The following WNT6 variants were observed in gnomAD, a reference collection of about 807,000 sequenced individuals.
WNT6 encodes protein Wnt-6.
In WNT6, 27 loss-of-function variants were observed where a neutral mutation model predicts 33.1. That is an observed-to-expected ratio of 0.82 (90% CI 0.60 to 1.12). WNT6 has a LOEUF of 1.12. Ranked by LOEUF, WNT6 falls within the 50% of genes most tolerant of loss-of-function variation. WNT6 has a pLI of 0.00. For synonymous variants in WNT6, 249 were observed against 242.8 expected (o/e 1.03, Z -0.24); for missense variants, 494 against 535.3 (o/e 0.92, Z 0.76).
chr2:218,871,565 G>A lies in WNT6; in HGVS notation c.382G>A (p.Glu128Lys), dbSNP rs752283594. Residue 128 changes from glutamate to lysine, a missense_variant, in exon 3 of 4, where the codon GAG becomes AAG. Transcript: ENST00000233948. This position sits in a 1 kb window ranked among gnomAD's most constrained non-coding sequence, Gnocchi z 6.4. ...HAVTQACSMG[E>K]LLQCGCQAPR... ...CGTCACGCAGGCCTGTTCTATGGGC[G>A]AGCTGCTGCAGTGCGGCTGCCAGGC... 341 of 1,574,708 alleles carry A rather than the reference G, an allele frequency of 2.2e-4. No individual in the cohort carries two copies. Among genetic ancestry groups the A allele is most frequent in the Non-Finnish European group, 2.9e-4 (335 of 1,169,474 alleles).
At chr2:218,865,440 C>A (rs1382558816) in intron 1 of WNT6, among the ~76,000 whole-genome samples, 1 of 152,228 alleles carries the variant, frequency 6.6e-6, no homozygotes. Context: ...TCCTCCAGTT[C>A]CTGAGCCCTC....
intron 1 of WNT6, among the ~76,000 whole-genome samples, chr2:218,865,137 G>A (rs953145745): frequency 1.3e-5 from 2 of 152,240 alleles, no homozygotes; most frequent in Non-Finnish European, 2.9e-5. Context: ...GGTGGGGAGA[G>A]GTCAGCAGGA....
intron 1 of WNT6, among the ~76,000 whole-genome samples, chr2:218,866,085 GCCCA>G (rs1944352409): frequency 1.3e-5 from 2 of 151,222 alleles, no homozygotes; most frequent in Non-Finnish European, 1.5e-5. Context: ...CACAGGCCCG[GCCCA>G]GCCGCCTCAG....
chr2:218,864,762 T>G lies in WNT6; in HGVS notation c.80+4645T>G, dbSNP rs554340550. Reference sequence around the variant, plus strand: ...GGCAGGGAAACGACCCTGGCTTCTTTGTGGCACTCAGGTTTTCTAGCTGCC... The same window carrying G: ...GGCAGGGAAACGACCCTGGCTTCTTGGTGGCACTCAGGTTTTCTAGCTGCC... On this transcript the variant is annotated intron_variant, in intron 1 of 3. Coordinates refer to ENST00000233948, the MANE Select transcript of WNT6 (RefSeq NM_006522.4). Among the ~76,000 whole-genome samples, 21 of 152,298 alleles carry G rather than the reference T, an allele frequency of 1.4e-4. No homozygotes were observed. In the South Asian group the frequency reaches 3.9e-3, roughly 29 times the overall value.
In WNT6 at chr2:218,872,859, G is replaced by C. The variant is rs550867815; in HGVS notation, c.637-525G>C. On this transcript the variant is annotated intron_variant, in intron 3 of 3. Coordinates refer to ENST00000233948, the MANE Select transcript of WNT6 (RefSeq NM_006522.4). Reference sequence around the variant, plus strand: ...GGTTCGGGCCTGAGGCATCGGGCAGGGGGAGGAGGGGGCCTGAAGAGGAAT... The same window carrying C: ...GGTTCGGGCCTGAGGCATCGGGCAGCGGGAGGAGGGGGCCTGAAGAGGAAT... Among the ~76,000 whole-genome samples, 519 of 152,256 alleles carry C rather than the reference G, an allele frequency of 3.4e-3. 6 individuals are homozygous for C. The highest frequency in any genetic ancestry group is 0.011 in the African/African-American group (477 of 41,530).
At chr2:218,870,997 A>AC in intron 1 of WNT6, 30 bp from the exon 2 acceptor site, 1 of 1,548,136 alleles carries the variant, frequency 6.5e-7, no homozygotes, top group Non-Finnish European at 8.7e-7. Flanking sequence ...TTTGGGTTAC[A>AC]CCCCTGACCT....
chr2:218,869,654 T>A (rs1427510639), intron 1 of WNT6, among the ~76,000 whole-genome samples: 1 of 152,174 alleles, frequency 6.6e-6, no homozygotes, highest in Non-Finnish European at 1.5e-5. Flanking sequence ...GAGATGGGAA[T>A]CCCAGCTAAG....
chr2:218,871,594 C>A lies in WNT6; in HGVS notation c.411C>A (p.Pro137=). The change falls in exon 3 of 4, where the codon CCC becomes CCA. Residue 137 remains proline (P), a synonymous_variant. Transcript: ENST00000233948. This position sits in a 1 kb window ranked among gnomAD's most constrained non-coding sequence, Gnocchi z 6.4. ...TGCTGCAGTGCGGCTGCCAGGCGCC[C>A]CGCGGGCGGGCCCCTCCCCGGCCCT... ...GELLQCGCQA[P]RGRAPPRPSG... is the part of the protein sequence containing the mutation. 6.6e-7 allele frequency: 1 copy of A among 1,516,606 alleles called. No homozygotes were observed. Among genetic ancestry groups the A allele is most frequent in the East Asian group, 2.7e-5 (1 of 37,080 alleles). 93.9% of individuals were successfully genotyped at this position (1,516,606 alleles called of 1,614,324 possible).
intron 1 of WNT6, among the ~76,000 whole-genome samples, chr2:218,862,344 T>A (rs773390402): frequency 1.3e-5 from 2 of 152,180 alleles, no homozygotes; most frequent in Non-Finnish European, 2.9e-5. Context: ...TTATTTCTAT[T>A]TTTATTTATT....
chr2:218,860,301 G>A (rs1472769975), intron 1 of WNT6, among the ~76,000 whole-genome samples, 184 bp downstream of exon 1: 1 of 152,100 alleles, frequency 6.6e-6, no homozygotes, highest in South Asian at 2.1e-4. Context: ...ACATTCTATT[G>A]TGTTTCCTCC....
At position 218,873,339 on chromosome 2, in the gene WNT6, C is replaced by T; in HGVS notation, c.637-45C>T. ...TGTCCATCCGCTGGGCCCTTCCCTG[C>T]ACCCCCTACCTGTCCACATGCGTCC... On this transcript the variant is annotated intron_variant, in intron 3 of 3. Coordinates refer to ENST00000233948, the MANE Select transcript of WNT6 (RefSeq NM_006522.4). This position sits in a 1 kb window ranked among gnomAD's most constrained non-coding sequence, Gnocchi z 6.1. The T allele has an allele frequency of 6.7e-7, 1 of 1,500,136 alleles. No individual in the cohort carries two copies. Among genetic ancestry groups the T allele is most frequent in the Non-Finnish European group, 8.9e-7 (1 of 1,123,778 alleles). 92.9% of individuals were successfully genotyped at this position (1,500,136 alleles called of 1,614,324 possible).
Position 218,871,677 on chromosome 2 carries a change from C to T in WNT6, c.494C>T (p.Ala165Val). Residue 165 changes from alanine (A) to valine (V), a missense_variant, in exon 3 of 4, where the codon GCC becomes GTC. Physicochemically the swap from Ala to Val is moderately conservative, Grantham distance 64. Transcript: ENST00000233948. This position sits in a 1 kb window ranked among gnomAD's most constrained non-coding sequence, Gnocchi z 6.4. ...PGPAGSPEGS[A>V]AWEWGGCGDD... is the part of the protein sequence containing the mutation. ...CCCGCGGGCTCCCCGGAAGGCAGCG[C>T]CGCCTGGGAGTGGGGAGGCTGCGGC... is the stretch of plus-strand genomic sequence containing the variant. 6.4e-7 allele frequency: 1 copy of T among 1,557,736 alleles called. No individual in the cohort carries two copies. The highest frequency in any genetic ancestry group is 1.2e-5 in the South Asian group (1 of 85,654).
rs1481336056 is a variant in WNT6 at position 218,873,617 on chromosome 2, G to T, written c.870G>T (p.Ser290=). Residue 290 remains serine, a synonymous_variant, in exon 4 of 4, where the codon TCG becomes TCT. Transcript: ENST00000233948. The surrounding 1 kb of genome is among the most constrained non-coding windows in gnomAD (Gnocchi z 6.1). ...GRADLLYAAD[S]PDFCAPNRRT... ...CGGACCTCCTCTACGCCGCCGATTC[G>T]CCCGACTTCTGCGCCCCCAACCGAC... The T allele has an allele frequency of 7.6e-6, 12 of 1,572,934 alleles. No homozygotes were observed. The highest frequency in any genetic ancestry group is 1.0e-5 in the Non-Finnish European group (12 of 1,166,220).
chr2:218,861,276 C>T (rs1474268057), intron 1 of WNT6, among the ~76,000 whole-genome samples: 1 of 152,202 alleles, frequency 6.6e-6, no homozygotes, highest in East Asian at 1.9e-4. Context: ...AAGGGCGAAC[C>T]GAGGACGACC....
chr2:218,865,974 C>T (rs1357422098), intron 1 of WNT6, among the ~76,000 whole-genome samples: 1 of 139,850 alleles, frequency 7.2e-6, no homozygotes, highest in African/African-American at 2.7e-5. Flanking sequence ...TGGAGCTGGG[C>T]ATCACTGGCT....
chr2:218,864,277 T>C (rs188262971), intron 1 of WNT6, among the ~76,000 whole-genome samples: 6 of 152,322 alleles, frequency 3.9e-5, no homozygotes, highest in African/African-American at 1.4e-4. Flanking sequence ...TTTTCCTTTT[T>C]GAGACAGAGT....
Position 218,859,871 on chromosome 2 carries a change from G to T in WNT6, c.-167G>T. The T allele has an allele frequency of 3.7e-6, 1 of 272,558 alleles. No individual in the cohort carries two copies. Among genetic ancestry groups the T allele is most frequent in the Non-Finnish European group, 6.0e-6 (1 of 167,900 alleles). 16.9% of individuals were successfully genotyped at this position (272,558 alleles called of 1,614,324 possible). ...GCCCCGTCCGCTCTCCGCCTCCGCC[G>T]CGCCCTCCTCGCCCGGGATGGGCCC... On this transcript the variant is annotated 5_prime_UTR_variant, in exon 1 of 4. Transcript: ENST00000233948.
At chr2:218,868,173 A>T (rs1944368058) in intron 1 of WNT6, among the ~76,000 whole-genome samples, 1 of 152,016 alleles carries the variant, frequency 6.6e-6, no homozygotes, top group South Asian at 2.1e-4. Flanking sequence ...CAGCCTGGGG[A>T]GCCAGACCCA....
chr2:218,871,335 G>A lies in WNT6; in HGVS notation c.301+88G>A. 6.6e-7 allele frequency: 1 copy of A among 1,508,992 alleles called. No individual in the cohort carries two copies. Among genetic ancestry groups the A allele is most frequent in the Non-Finnish European group, 9.0e-7 (1 of 1,109,564 alleles). 93.5% of individuals were successfully genotyped at this position (1,508,992 alleles called of 1,614,324 possible). ...GAGAACTGGTTCGCTGAAGTTGCCT[G>A]AGCCCCACTTCCCCCTCACATGTGT... On this transcript the variant is annotated intron_variant, in intron 2 of 3. Transcript: ENST00000233948. This position sits in a 1 kb window ranked among gnomAD's most constrained non-coding sequence, Gnocchi z 6.4.
Sources: allele counts gnomAD v4.1 joint callset (sites outside exome capture counted in the v4.1 genomes callset), GRCh38; gene constraint gnomAD v4.1.1; non-coding constraint Gnocchi (gnomAD v3.1); transcripts MANE v1.5; gene names NCBI Gene and HGNC (gene_info 2026-07-23, HGNC 2026-07-21).